VCAN: variants seen among roughly 807,000 people sequenced by gnomAD.
VCAN encodes the protein versican core protein.
A neutral mutation model predicts 245.5 loss-of-function variants in VCAN; 44 were observed. The observed-to-expected ratio is 0.18, with a 90% CI of 0.14 to 0.23. The LOEUF (loss-of-function observed/expected upper bound fraction) is 0.23, where lower values mean the gene tolerates loss of function less well. VCAN is among the 10% of genes least tolerant of loss of function. The pLI is 1.00. For synonymous variants in VCAN, 1,413 were observed against 1,437.0 expected, an observed-to-expected ratio of 0.98 and a Z score of 0.38; for missense variants, 3,793 against 4,057.9, an observed-to-expected ratio of 0.93 and a Z score of 1.77.
At chr5:83,479,932 T>C (rs187143747) in intron 1 of VCAN, among the ~76,000 whole-genome samples, 60 of 151,712 alleles carry the variant, frequency 4.0e-4, no homozygotes, top group African/African-American at 1.4e-3. Context: ...AGGCATGGAG[T>C]GGAAATGGGT....
At chr5:83,504,320 G>A (rs1580612889) in intron 5 of VCAN, among the ~76,000 whole-genome samples, 9 of 151,978 alleles carry the variant, frequency 5.9e-5, no homozygotes, top group Admixed American at 5.9e-4. Flanking sequence ...TTCATGAAAG[G>A]CTCTGTTGTA....
At chr5:83,527,067 C>T (rs1746328834) in intron 7 of VCAN, among the ~76,000 whole-genome samples, 1 of 152,182 alleles carries the variant, frequency 6.6e-6, no homozygotes, top group Non-Finnish European at 1.5e-5. Context: ...AACAACAACC[C>T]CCTGCCCAAT....
At chr5:83,499,584 T>G (rs1745268701) in intron 5 of VCAN, among the ~76,000 whole-genome samples, 2 of 141,790 alleles carry the variant, frequency 1.4e-5, no homozygotes, top group African/African-American at 3.1e-5. Flanking sequence ...CTCTTTGTAT[T>G]TCTCCTCTCA....
chr5:83,488,600 C>G (rs548437380), intron 2 of VCAN, among the ~76,000 whole-genome samples: 20 of 152,242 alleles, frequency 1.3e-4, no homozygotes, highest in Admixed American at 4.6e-4. Context: ...GGAATTATTC[C>G]CTTGCAATTT....
intron 13 of VCAN, 105 bp from the exon 14 acceptor site, chr5:83,579,875 G>A (rs924139490): frequency 1.6e-6 from 2 of 1,218,386 alleles, no homozygotes; most frequent in South Asian, 1.3e-5. Flanking sequence ...TGCCTTTGAT[G>A]AAGTTGCTTA....
Position 83,512,174 on chromosome 5 carries a change from G to A in VCAN, c.820G>A (p.Asp274Asn), listed in dbSNP as rs1417136551. The change falls in exon 6 of 15, where the codon GAT becomes AAT. Residue 274 changes from aspartate (D) to asparagine (N), a missense_variant. Around this residue, in one of 5 missense-constraint regions of VCAN, gnomAD observed 190 missense variants for 288.6 expected, o/e 0.66. Transcript: ENST00000265077. ...GGCTGCAAAAGAGTGTGAAAACCAG[G>A]ATGCCAGGCTGGCAACAGTGGGGGA... ...EEAAKECENQ[D>N]ARLATVGELQ... The A allele has an allele frequency of 6.2e-7, 1 of 1,614,112 alleles. No homozygotes were observed. The highest frequency in any genetic ancestry group is 1.7e-5 in the Admixed American group (1 of 60,012).
intron 5 of VCAN, among the ~76,000 whole-genome samples, chr5:83,497,444 T>C (rs565726009): frequency 2.0e-5 from 3 of 152,308 alleles, no homozygotes; most frequent in South Asian, 4.1e-4. Context: ...TCAATGAATA[T>C]TCAATTCTGC....
intron 5 of VCAN, 131 bp downstream of exon 5, chr5:83,494,062 T>A: frequency 9.6e-6 from 14 of 1,462,168 alleles, no homozygotes; most frequent in Non-Finnish European, 1.3e-5. Flanking sequence ...TATACGACTG[T>A]ATGATTTTGT....
At position 83,542,111 on chromosome 5, in the gene VCAN, A is replaced by C; in HGVS notation, c.9108A>C (p.Arg3036Ser). 1.2e-6 allele frequency: 2 copies of C among 1,614,080 alleles called. No individual in the cohort carries two copies. Among genetic ancestry groups the C allele is most frequent in the Non-Finnish European group, 1.7e-6 (2 of 1,179,966 alleles). Residue 3036 changes from arginine to serine, a missense_variant, in exon 8 of 15, where the codon AGA becomes AGC. Coordinates refer to ENST00000265077, the MANE Select transcript of VCAN (RefSeq NM_004385.5). Reference sequence around the variant, plus strand: ...CATCAGAACAGCAAGTGGCAGCGAGAATTCTTGATTCCAATGATCAGGCAA... The same window carrying C: ...CATCAGAACAGCAAGTGGCAGCGAGCATTCTTGATTCCAATGATCAGGCAA... ...IAASEQQVAA[R>S]ILDSNDQATV...
intron 13 of VCAN, among the ~76,000 whole-genome samples, chr5:83,579,348 C>T (rs1256953745): frequency 1.3e-5 from 2 of 152,130 alleles, no homozygotes; most frequent in African/African-American, 4.8e-5. Context: ...ACTGCAACCT[C>T]CGCCTCCCAG....
At chr5:83,544,216 A>G (rs1747113021) in intron 8 of VCAN, among the ~76,000 whole-genome samples, 1 of 152,230 alleles carries the variant, frequency 6.6e-6, no homozygotes, top group South Asian at 2.1e-4. Flanking sequence ...TAAAATTGTT[A>G]GGGAGATTTC....
intron 8 of VCAN, among the ~76,000 whole-genome samples, chr5:83,543,199 A>T (rs1580051336): frequency 1.3e-5 from 2 of 152,192 alleles, no homozygotes; most frequent in African/African-American, 4.8e-5. Context: ...TACTTTGTAG[A>T]ATTTATTTTC....
intron 5 of VCAN, among the ~76,000 whole-genome samples, chr5:83,510,223 T>C (rs1370219489): frequency 1.3e-5 from 2 of 152,210 alleles, no homozygotes; most frequent in African/African-American, 4.8e-5. Flanking sequence ...CTTCTTCAAA[T>C]AGCTCTCATT....
chr5:83,557,929 A>G (rs1024775027), intron 12 of VCAN, among the ~76,000 whole-genome samples: 1 of 152,188 alleles, frequency 6.6e-6, no homozygotes, highest in African/African-American at 2.4e-5. Context: ...AAATGACACA[A>G]GTAAATCCAG....
chr5:83,562,408 C>T (rs986657515), intron 12 of VCAN: 1 of 152,140 alleles, frequency 6.6e-6, no homozygotes, highest in Non-Finnish European at 1.5e-5. Context: ...GAACGCAACT[C>T]TGCTCTCTGC....
In VCAN at chr5:83,540,271, A is replaced by C. The variant is rs1345685559; in HGVS notation, c.7268A>C (p.Asp2423Ala). The C allele has an allele frequency of 6.2e-7, 1 of 1,614,112 alleles. No individual in the cohort carries two copies. The highest frequency in any genetic ancestry group is 8.5e-7 in the Non-Finnish European group (1 of 1,179,992). Residue 2423 changes from aspartate to alanine, a missense_variant, in exon 8 of 15, where the codon GAC becomes GCC. Transcript: ENST00000265077. ...GTTACATCAGCACCAAAACCATCTG[A>C]CTTGTATTATGAACCTTCTGGAGAA... ...EFVTSAPKPS[D>A]LYYEPSGEGS...
chr5:83,522,130 T>C lies in VCAN; in HGVS notation c.3824T>C (p.Ile1275Thr), dbSNP rs138328713. The C allele has an allele frequency of 3.7e-6, 6 of 1,613,678 alleles. No individual in the cohort carries two copies. In the African/African-American group the frequency reaches 8.0e-5, roughly 22 times the overall value. Reference protein sequence around the residue: ...DIVAKETETDIDREYFTTSSP... With the variant: ...DIVAKETETDTDREYFTTSSP... ...GTAGCCAAGGAAACAGAAACCGATA[T>C]TGATAGAGAGTATTTCACGACTTCA... The change falls in exon 7 of 15, where the codon ATT (isoleucine) becomes ACT (threonine). Residue 1275 changes from isoleucine to threonine, a missense_variant. Coordinates refer to ENST00000265077, the MANE Select transcript of VCAN (RefSeq NM_004385.5).
At position 83,541,865 on chromosome 5, in the gene VCAN, T is replaced by A; in HGVS notation, c.8862T>A (p.Pro2954=). 1.2e-6 allele frequency: 2 copies of A among 1,614,108 alleles called. No individual in the cohort carries two copies. Among genetic ancestry groups the A allele is most frequent in the Non-Finnish European group, 1.7e-6 (2 of 1,180,002 alleles). Residue 2954 remains proline, a synonymous_variant, in exon 8 of 15, where the codon CCT becomes CCA. Coordinates refer to ENST00000265077, the MANE Select transcript of VCAN (RefSeq NM_004385.5). ...AGATGTTTCCCACCATTAAAACACC[T>A]GAGGCTGGAACTGTTATTACAACTG... ...AIKMFPTIKT[P]EAGTVITTAD...
In VCAN at chr5:83,540,388, A is replaced by G. The variant is rs373987221; in HGVS notation, c.7385A>G (p.Asp2462Gly). Residue 2462 changes from aspartate to glycine, a missense_variant, in exon 8 of 15, where the codon GAT becomes GGT. By Grantham distance (94) the Asp-to-Gly change is moderately conservative (BLOSUM62 -1). Transcript: ENST00000265077. ...RQESSTTFVS[D>G]GSLEKHPEVP... is the part of the protein sequence containing the mutation. ...GAAAGCAGCACCACATTTGTTTCTG[A>G]TGGGTCCCTGGAAAAACATCCTGAG... 1 of 1,614,008 alleles carries G rather than the reference A, an allele frequency of 6.2e-7. No homozygotes were observed. Among genetic ancestry groups the G allele is most frequent in the Non-Finnish European group, 8.5e-7 (1 of 1,179,932 alleles).
Sources: gnomAD v4.1 joint callset for allele counts (sites outside exome capture counted in the v4.1 genomes callset) on GRCh38, gnomAD v4.1.1 for gene constraint, gnomAD v4.1.1 regional missense constraint, MANE v1.5 for transcripts, NCBI Gene and HGNC (gene_info 2026-07-23, HGNC 2026-07-21) for gene names.